PCDHA1: variants seen among roughly 807,000 people sequenced by gnomAD.
The protein encoded by PCDHA1 is protocadherin alpha 1.
A neutral mutation model predicts 61.3 loss-of-function variants in PCDHA1; 42 were observed. The ratio of observed to expected loss-of-function variants is 0.69; its 90% CI spans 0.54 to 0.89. The LOEUF is 0.89. PCDHA1 is among the 40% of genes least tolerant of loss of function. PCDHA1 has a pLI of 0.00. For missense variants in PCDHA1, 1,256 were observed against 1,235.3 expected, an observed-to-expected ratio of 1.02 and a Z score of -0.25; for synonymous variants, 610 against 553.8, an observed-to-expected ratio of 1.10 and a Z score of -1.43.
At chr5:140,900,546 G>A (rs1430203463) in intron 1 of PCDHA1, among the ~76,000 whole-genome samples, 3 of 152,162 alleles carry the variant, frequency 2.0e-5, no homozygotes, top group East Asian at 1.9e-4. Context: ...CAAAGTGCTG[G>A]GATTACAGGC....
At chr5:140,856,553 T>TAC (rs1455018619) in intron 1 of PCDHA1, 2 of 1,598,066 alleles carry the variant, frequency 1.3e-6, no homozygotes, top group African/African-American at 2.7e-5. Flanking sequence ...ATTGCTTACT[T>TAC]ACAAACTCAG....
rs543804071 is a variant in PCDHA1, at chr5:140,951,447, C to T, written c.2395-27502C>T. Among the ~76,000 whole-genome samples the T allele has an allele frequency of 2.2e-4, 34 of 152,004 alleles. No homozygotes were observed. In the South Asian group the frequency reaches 5.8e-3, roughly 26 times the overall value. On this transcript the variant is annotated intron_variant, in intron 1 of 3. Coordinates refer to ENST00000504120, the MANE Select transcript of PCDHA1 (RefSeq NM_018900.4). ...CCACAGGCTGTAGGAAGCATGATGC[C>T]GGCCATCTGCTTGGCTTCTGGGGAG...
chr5:140,801,624 TCCG>T (rs782603795), intron 1 of PCDHA1: 1 of 1,613,968 alleles, frequency 6.2e-7, no homozygotes, highest in Non-Finnish European at 8.5e-7. Context: ...TCTGTTTATT[TCCG>T]AATCCCGACA....
At chr5:140,958,367 T>C (rs1029042656) in intron 1 of PCDHA1, among the ~76,000 whole-genome samples, 2 of 152,166 alleles carry the variant, frequency 1.3e-5, no homozygotes, top group Admixed American at 6.5e-5. Context: ...TTATCAGGAA[T>C]GTTGCTATTT....
chr5:140,968,257 T>C (rs781932747), intron 1 of PCDHA1: 2 of 1,613,946 alleles, frequency 1.2e-6, no homozygotes, highest in East Asian at 2.2e-5. Context: ...CAGACCCAGA[T>C]GAAAAGGAGA....
intron 1 of PCDHA1, chr5:140,842,749 G>A: frequency 1.9e-6 from 3 of 1,595,014 alleles, no homozygotes; most frequent in Non-Finnish European, 1.7e-6. Flanking sequence ...ACATCTTCAC[G>A]GTGTCTGCGC....
At chr5:140,844,536 C>T (rs945538914) in intron 1 of PCDHA1, among the ~76,000 whole-genome samples, 1 of 149,252 alleles carries the variant, frequency 6.7e-6, no homozygotes, top group South Asian at 2.1e-4. Flanking sequence ...AATCATTCAA[C>T]CCTTTGTTCA....
At chr5:140,912,410 T>C (rs2075912290) in intron 1 of PCDHA1, among the ~76,000 whole-genome samples, 1 of 152,090 alleles carries the variant, frequency 6.6e-6, no homozygotes, top group Non-Finnish European at 1.5e-5. Context: ...AGCTTGGTTA[T>C]TATTGGTGTA....
chr5:140,909,341 T>C (rs2074443719), intron 1 of PCDHA1, among the ~76,000 whole-genome samples: 1 of 152,222 alleles, frequency 6.6e-6, no homozygotes, highest in African/African-American at 2.4e-5. Context: ...GCATACCAGG[T>C]ACCAAGAGAT....
chr5:141,010,438 CA>C lies in PCDHA1; in HGVS notation c.*504del. ...TACAAGGAAGGCAAGAAAACAAAGA[CA>C]AATAAACAGCGGAAGTTATCAGTAT... On this transcript the variant is annotated 3_prime_UTR_variant, in exon 4 of 4. Transcript: ENST00000504120. 1.0e-6 allele frequency: 1 copy of C among 998,926 alleles called. No individual in the cohort carries two copies. The highest frequency in any genetic ancestry group is 1.4e-6 in the Non-Finnish European group (1 of 704,790). The allele number at this position is 998,926 out of a possible 1,614,324, so 61.9% of individuals were successfully genotyped here.
intron 1 of PCDHA1, chr5:140,808,377 T>C: frequency 6.2e-7 from 1 of 1,614,180 alleles, no homozygotes; most frequent in Non-Finnish European, 8.5e-7. Flanking sequence ...CCCTTCAAGC[T>C]GGTGTCCACC....
At chr5:140,855,753 G>A (rs1461376517) in intron 1 of PCDHA1, 1 of 333,040 alleles carries the variant, frequency 3.0e-6, no homozygotes, top group African/African-American at 2.1e-5. Context: ...GTGAGGCTTT[G>A]AAAGTCCATA....
chr5:140,829,401 C>T (rs2150167195), intron 1 of PCDHA1: 15 of 1,614,092 alleles, frequency 9.3e-6, no homozygotes, highest in Non-Finnish European at 1.3e-5. Context: ...TCGCTGTGGG[C>T]CACCGCCAGC....
intron 1 of PCDHA1, chr5:140,868,837 C>A (rs543405019): frequency 2.7e-4 from 116 of 427,288 alleles, no homozygotes; most frequent in Non-Finnish European, 3.6e-4. Context: ...AAACCCAAAA[C>A]ACGTGAAATT....
chr5:140,805,265 G>A (rs1368015439), intron 1 of PCDHA1: 13 of 1,286,610 alleles, frequency 1.0e-5, no homozygotes, highest in Non-Finnish European at 1.3e-5. Context: ...CCTGGTAAAT[G>A]AAAATATTAC....
At chr5:140,975,963 A>G (rs2096691903) in intron 1 of PCDHA1, among the ~76,000 whole-genome samples, 1 of 152,186 alleles carries the variant, frequency 6.6e-6, no homozygotes, top group Non-Finnish European at 1.5e-5. Flanking sequence ...TTCTTCACCA[A>G]TAGAAAGTAA....
At chr5:140,873,265 T>A (rs2054186823) in intron 1 of PCDHA1, among the ~76,000 whole-genome samples, 1 of 152,228 alleles carries the variant, frequency 6.6e-6, no homozygotes, top group South Asian at 2.1e-4. Context: ...CAAAAGTGAT[T>A]AAACCATCAT....
rs151053430 is a variant in PCDHA1 at position 140,849,630 on chromosome 5, G to T, written c.2394+60946G>T. Reference sequence around the variant, plus strand: ...CCTGATTAGTGTGATCGACCTAGACGCAGATGCCAACGGGCAGGTTACCTG... The same window carrying T: ...CCTGATTAGTGTGATCGACCTAGACTCAGATGCCAACGGGCAGGTTACCTG... On this transcript the variant is annotated intron_variant, in intron 1 of 3. Transcript: ENST00000504120. 6.9e-4 allele frequency: 1,103 copies of T among 1,598,686 alleles called. 107 individuals are homozygous for T. Among genetic ancestry groups the T allele is most frequent in the South Asian group, 1.2e-3 (106 of 90,556 alleles).
intron 1 of PCDHA1, chr5:140,796,454 G>T: frequency 1.2e-6 from 2 of 1,612,828 alleles, no homozygotes; most frequent in Non-Finnish European, 8.5e-7. Flanking sequence ...CTGGTGGAGC[G>T]GCGGGTGGGC....
Sources: gnomAD v4.1 joint callset for allele counts (sites outside exome capture counted in the v4.1 genomes callset) on GRCh38, gnomAD v4.1.1 for gene constraint, MANE v1.5 for transcripts, NCBI Gene and HGNC (gene_info 2026-07-23, HGNC 2026-07-21) for gene names.